Variants in KSR2 observed in about 807,000 individuals in gnomAD.
KSR2 encodes kinase suppressor of ras 2.
KSR2 carries 25 observed loss-of-function variants against 107.8 expected under a neutral mutation model. The ratio of observed to expected loss-of-function variants is 0.23; its 90% CI spans 0.17 to 0.32. KSR2 has a LOEUF of 0.32. Ranked by LOEUF, KSR2 falls within the 10% of genes least tolerant of loss-of-function variation. KSR2 has a pLI of 1.00. For missense variants in KSR2, 887 were observed against 1,268.9 expected, an observed-to-expected ratio of 0.70 and a Z score of 4.57; for synonymous variants, 480 against 507.0, an observed-to-expected ratio of 0.95 and a Z score of 0.71.
intron 3 of KSR2, among the ~76,000 whole-genome samples, chr12:117,808,905 A>G (rs1380598506): frequency 6.6e-6 from 1 of 151,874 alleles, no homozygotes; most frequent in Non-Finnish European, 1.5e-5. Flanking sequence ...GTCAGTAAGA[A>G]CTCCTGTGCA....
chr12:117,574,140 G>T (rs747123276), intron 7 of KSR2, among the ~76,000 whole-genome samples: 1 of 152,096 alleles, frequency 6.6e-6, no homozygotes, highest in Non-Finnish European at 1.5e-5. Flanking sequence ...CATTCTAGGA[G>T]TCTGCCCCAG....
rs55910019 is a variant in KSR2, at chr12:117,717,666, G to GGTGT, written c.986+43341_986+43344dup. On this transcript the variant is annotated intron_variant, in intron 4 of 19. Transcript: ENST00000339824. ...CCATGTGGCATGTGTGGGGCAGACA[G>GGTGT]GTGTGTGTGTGTGTGTGTGTGTGTG... Among the ~76,000 whole-genome samples the GGTGT allele has an allele frequency of 6.5e-3, 936 of 144,438 alleles. 6 individuals are homozygous for GGTGT. Among genetic ancestry groups the GGTGT allele is most frequent in the Middle Eastern group, 0.014 (4 of 290 alleles). The allele number at this position is 144,438 out of a possible 152,430, so 94.8% of individuals were successfully genotyped here.
intron 5 of KSR2, among the ~76,000 whole-genome samples, chr12:117,635,799 T>C (rs1593075421): frequency 6.6e-6 from 1 of 151,622 alleles, no homozygotes; most frequent in Non-Finnish European, 1.5e-5. Context: ...TGTTACTTTT[T>C]TTTTTTTTTT....
chr12:117,794,623 TAC>T (rs369623510), intron 3 of KSR2, among the ~76,000 whole-genome samples: 2,921 of 137,996 alleles, frequency 0.021, 222 homozygotes, highest in Admixed American at 0.15. Flanking sequence ...ACATACACCA[TAC>T]ACACACACAC....
chr12:117,819,379 G>C (rs1156482), intron 3 of KSR2, among the ~76,000 whole-genome samples: 95,141 of 152,110 alleles, frequency 0.63, 30,883 homozygotes, highest in African/African-American at 0.8. Context: ...AGAGGGCGTC[G>C]TAGGTGCCTC....
At chr12:117,771,779 AC>A (rs1482106657) in intron 3 of KSR2, among the ~76,000 whole-genome samples, 1 of 152,162 alleles carries the variant, frequency 6.6e-6, no homozygotes, top group African/African-American at 2.4e-5. Flanking sequence ...CCCCTTAATC[AC>A]ATGGCATCCT....
At chr12:117,792,538 G>A (rs1351318179) in intron 3 of KSR2, among the ~76,000 whole-genome samples, 2 of 152,172 alleles carry the variant, frequency 1.3e-5, no homozygotes, top group Non-Finnish European at 2.9e-5. Context: ...CATGCAAAGT[G>A]TTCAGCACTG....
At chr12:117,573,696 T>G (rs1454357302) in intron 7 of KSR2, among the ~76,000 whole-genome samples, 12 of 151,768 alleles carry the variant, frequency 7.9e-5, no homozygotes, top group Non-Finnish European at 1.8e-4. Context: ...CTCGGCTAAT[T>G]TTTTGTATTT....
At chr12:117,945,616 A>G (rs1240163492) in intron 1 of KSR2, among the ~76,000 whole-genome samples, 1 of 152,078 alleles carries the variant, frequency 6.6e-6, no homozygotes, top group African/African-American at 2.4e-5. Context: ...AGAGGTTGCA[A>G]TGAGCCAAGG....
chr12:117,684,388 T>C (rs1885485916), intron 4 of KSR2, among the ~76,000 whole-genome samples: 2 of 152,150 alleles, frequency 1.3e-5, no homozygotes, highest in African/African-American at 4.8e-5. Flanking sequence ...ATAAAAACAG[T>C]TTAACTAAAC....
rs1019334915 is a variant in KSR2, at chr12:117,771,381, T to C, written c.473-9857A>G. ...TTCTGAATGGAACCAATGTACATCTTACATAATCTGATTGATGTTTCATGT... is the reference window on the plus strand; with the variant it reads ...TTCTGAATGGAACCAATGTACATCTCACATAATCTGATTGATGTTTCATGT... On this transcript the variant is annotated intron_variant, in intron 3 of 19. Transcript: ENST00000339824. Among the ~76,000 whole-genome samples the C allele has an allele frequency of 2.6e-4, 39 of 152,310 alleles. 1 individual carries two copies. The highest frequency in any genetic ancestry group is 2.2e-3 in the Admixed American group (34 of 15,300).
chr12:117,517,077 A>T (rs1419419660), intron 14 of KSR2, among the ~76,000 whole-genome samples: 1 of 152,112 alleles, frequency 6.6e-6, no homozygotes, highest in Non-Finnish European at 1.5e-5. Context: ...GAGGCAGAGG[A>T]CTGTGCAGCT....
intron 14 of KSR2, among the ~76,000 whole-genome samples, chr12:117,504,141 C>A (rs1441604979): frequency 6.6e-6 from 1 of 152,180 alleles, no homozygotes. Context: ...GTGACCTCAC[C>A]TCTCAATCAT....
intron 18 of KSR2, 105 bp downstream of exon 18, chr12:117,471,086 C>A: frequency 6.9e-7 from 1 of 1,440,134 alleles, no homozygotes; most frequent in Admixed American, 2.2e-5. Flanking sequence ...TTTTGGTCAC[C>A]CTATGGGAAA....
intron 3 of KSR2, among the ~76,000 whole-genome samples, chr12:117,846,955 T>C (rs1031618800): frequency 3.3e-5 from 5 of 152,164 alleles, no homozygotes; most frequent in African/African-American, 1.2e-4. Context: ...CCAACCGTGT[T>C]TACAGAATGA....
intron 5 of KSR2, among the ~76,000 whole-genome samples, chr12:117,659,356 G>A (rs1884323968): frequency 6.6e-6 from 1 of 152,148 alleles, no homozygotes; most frequent in African/African-American, 2.4e-5. Context: ...TGTAGGCAGG[G>A]ACAAGAGAAG....
intron 1 of KSR2, among the ~76,000 whole-genome samples, chr12:117,936,388 A>G (rs144082877): frequency 0.013 from 1,966 of 151,812 alleles, 41 homozygotes; most frequent in African/African-American, 0.043. Context: ...ATGCAATGGC[A>G]CAAGCATGGC....
At chr12:117,960,642 G>A (rs1896634411) in intron 1 of KSR2, among the ~76,000 whole-genome samples, 1 of 152,162 alleles carries the variant, frequency 6.6e-6, no homozygotes, top group African/African-American at 2.4e-5. Context: ...CTGGCCAGCT[G>A]AGTCCATACC....
At chr12:117,536,570 C>T (rs1047904955) in intron 10 of KSR2, among the ~76,000 whole-genome samples, 1 of 152,164 alleles carries the variant, frequency 6.6e-6, no homozygotes, top group Non-Finnish European at 1.5e-5. Context: ...CATATATGCA[C>T]ACTGGTACAC....
Sources: allele counts gnomAD v4.1 joint callset (sites outside exome capture counted in the v4.1 genomes callset), GRCh38; gene constraint gnomAD v4.1.1; transcripts MANE v1.5; gene names NCBI Gene and HGNC (gene_info 2026-07-23, HGNC 2026-07-21).